KIFC2: variants seen among roughly 807,000 people sequenced by gnomAD.
The protein encoded by KIFC2 is kinesin-like protein KIFC2.
A neutral mutation model predicts 91.5 loss-of-function variants in KIFC2; 94 were observed. The observed-to-expected ratio is 1.03, with a 90% CI of 0.87 to 1.22. KIFC2 has a LOEUF of 1.22. Ranked by LOEUF, KIFC2 falls within the 50% of genes most tolerant of loss-of-function variation. The pLI is 0.00. For synonymous variants in KIFC2, 729 were observed against 503.9 expected, an observed-to-expected ratio of 1.45 and a Z score of -5.98; for missense variants, 1,357 against 1,103.3, an observed-to-expected ratio of 1.23 and a Z score of -3.26.
At chr8:144,467,400 C>G in intron 4 of KIFC2, 59 bp downstream of exon 4, 2 of 1,546,314 alleles carry the variant, frequency 1.3e-6, no homozygotes, top group Non-Finnish European at 1.7e-6. Flanking sequence ...CCGGTAGAAC[C>G]TGGGCGGCCT....
rs1225199342 is a variant in KIFC2 at position 144,468,139 on chromosome 8, C to T, written c.810+152C>T. 5 of 1,129,138 alleles carry T rather than the reference C, an allele frequency of 4.4e-6. No individual in the cohort carries two copies. The East Asian group carries it at 1.0e-4, about 23-fold the overall frequency. The allele number at this position is 1,129,138 out of a possible 1,614,324, so 69.9% of individuals were successfully genotyped here. A position where few individuals can be genotyped will look rare whatever the true frequency, so the allele number is the denominator to read the frequency against. On this transcript the variant is annotated intron_variant, in intron 7 of 17. Coordinates refer to ENST00000645548, the MANE Select transcript of KIFC2 (RefSeq NM_001369769.2). ...AGGCTGATGCCAATGGGAAGACCCCCCTCTCCGTGGCCCCTCTGAGTGGCT... is the reference window on the plus strand; with the variant it reads ...AGGCTGATGCCAATGGGAAGACCCCTCTCTCCGTGGCCCCTCTGAGTGGCT...
chr8:144,468,658 T>G lies in KIFC2; in HGVS notation c.1003+8T>G. Reference sequence around the variant, plus strand: ...TGCATGGGCAGCTGGCAGGTAAGGGTTGGGGTTGGGGCTCATGGGAGGCCC... The same window carrying G: ...TGCATGGGCAGCTGGCAGGTAAGGGGTGGGGTTGGGGCTCATGGGAGGCCC... On this transcript the variant is annotated splice_region_variant and intron_variant, in intron 9 of 17. Coordinates refer to ENST00000645548, the MANE Select transcript of KIFC2 (RefSeq NM_001369769.2). 1 of 1,612,596 alleles carries G rather than the reference T, an allele frequency of 6.2e-7. No individual in the cohort carries two copies. Among genetic ancestry groups the G allele is most frequent in the Non-Finnish European group, 8.5e-7 (1 of 1,179,224 alleles).
intron 12 of KIFC2, 77 bp downstream of exon 12, chr8:144,469,724 T>G: frequency 6.7e-7 from 1 of 1,485,490 alleles, no homozygotes; most frequent in Non-Finnish European, 8.9e-7. Flanking sequence ...CAGTTTCCCC[T>G]TCCCAGTCTG....
rs1258957642 is a variant in KIFC2 at position 144,473,539 on chromosome 8, C to T, written c.*150C>T. ...TGAGCTCCCAGAGTCACCCCTCCACCTCCGCAGCCAGTGAAGTGTGTTGTG... is the reference window on the plus strand; with the variant it reads ...TGAGCTCCCAGAGTCACCCCTCCACTTCCGCAGCCAGTGAAGTGTGTTGTG... On this transcript the variant is annotated 3_prime_UTR_variant, in exon 18 of 18. Transcript: ENST00000645548. The T allele has an allele frequency of 3.3e-6, 4 of 1,230,450 alleles. No homozygotes were observed. Among genetic ancestry groups the T allele is most frequent in the Middle Eastern group, 2.5e-4 (1 of 3,938 alleles). 76.2% of individuals were successfully genotyped at this position (1,230,450 alleles called of 1,614,324 possible). A position where few individuals can be genotyped will look rare whatever the true frequency, so the allele number is the denominator to read the frequency against.
In KIFC2 at chr8:144,472,056, A is replaced by G; in HGVS notation, c.1485+10A>G. The G allele has an allele frequency of 6.2e-7, 1 of 1,613,412 alleles. No individual in the cohort carries two copies. Among genetic ancestry groups the G allele is most frequent in the Non-Finnish European group, 8.5e-7 (1 of 1,179,992 alleles). Reference sequence around the variant, plus strand: ...GACCTACAGCATGGAGGTGGGACAGAGCTCACGCCCCAGTGGGAGAGGCCC... The same window carrying G: ...GACCTACAGCATGGAGGTGGGACAGGGCTCACGCCCCAGTGGGAGAGGCCC... On this transcript the variant is annotated intron_variant, in intron 13 of 17. Transcript: ENST00000645548.
chr8:144,467,413 AG>A, intron 4 of KIFC2, 71 bp from the exon 5 acceptor site: 1 of 1,543,428 alleles, frequency 6.5e-7, no homozygotes, highest in Non-Finnish European at 8.7e-7. Flanking sequence ...GGCGGCCTGG[AG>A]TTCGGGGTCA....
Position 144,472,970 on chromosome 8 carries a change from C to A in KIFC2, c.2037C>A (p.His679Gln). The A allele has an allele frequency of 6.9e-7, 1 of 1,457,596 alleles. No individual in the cohort carries two copies. The highest frequency in any genetic ancestry group is 2.6e-5 in the Admixed American group (1 of 37,920). 90.3% of individuals were successfully genotyped at this position (1,457,596 alleles called of 1,614,324 possible). Reference sequence around the variant, plus strand: ...CCGCACTGCGGGCCCACCGGCCGCACGTGCCCTTCCGCGACTCGCAGCTCA... The same window carrying A: ...CCGCACTGCGGGCCCACCGGCCGCAAGTGCCCTTCCGCGACTCGCAGCTCA... ...VMAALRAHRP[H>Q]VPFRDSQLTR... Residue 679 changes from histidine to glutamine, a missense_variant, in exon 17 of 18, where the codon CAC (histidine) becomes CAA (glutamine). Transcript: ENST00000645548.
In KIFC2 at chr8:144,469,537, C is replaced by A; in HGVS notation, c.1270C>A (p.Leu424Ile). Reference protein sequence around the residue: ...CRLRPGTSSSLVSVEPGPGGT... With the variant: ...CRLRPGTSSSIVSVEPGPGGT... ...GCTGAGGCCAGGGACATCTTCTAGC[C>A]TTGTGAGTGTGGAGCCTGGCCCAGG... is the stretch of plus-strand genomic sequence containing the variant. Residue 424 changes from leucine to isoleucine, a missense_variant, in exon 12 of 18, where the codon CTT (leucine) becomes ATT (isoleucine). Coordinates refer to ENST00000645548, the MANE Select transcript of KIFC2 (RefSeq NM_001369769.2). 1.2e-6 allele frequency: 2 copies of A among 1,613,926 alleles called. No individual in the cohort carries two copies. Among genetic ancestry groups the A allele is most frequent in the Non-Finnish European group, 1.7e-6 (2 of 1,180,008 alleles).
At position 144,466,393 on chromosome 8, in the gene KIFC2, C is replaced by T; in HGVS notation, c.-27C>T. ...CGCGGGGACGCGGGGCGGCGCGAAG[C>T]GGGGCCCTCTGCCGCCCCGCGCTCC... On this transcript the variant is annotated 5_prime_UTR_variant, in exon 1 of 18. Coordinates refer to ENST00000645548, the MANE Select transcript of KIFC2 (RefSeq NM_001369769.2). The T allele has an allele frequency of 2.8e-6, 3 of 1,061,864 alleles. No homozygotes were observed. The highest frequency in any genetic ancestry group is 2.4e-6 in the Non-Finnish European group (2 of 820,646). The allele number at this position is 1,061,864 out of a possible 1,614,324, so 65.8% of individuals were successfully genotyped here. A position where few individuals can be genotyped will look rare whatever the true frequency, so the allele number is the denominator to read the frequency against.
rs761086073 is a variant in KIFC2, at chr8:144,473,440, A to C, written c.*51A>C. The C allele has an allele frequency of 2.6e-6, 4 of 1,531,032 alleles. No homozygotes were observed. In the African/African-American group the frequency reaches 5.5e-5, roughly 21 times the overall value. 94.8% of individuals were successfully genotyped at this position (1,531,032 alleles called of 1,614,324 possible). ...GGTCTCAGGCCAGGTCTCTGCTGGC[A>C]GAGGCGGTAGTAAAGTCCCTGTACC... On this transcript the variant is annotated 3_prime_UTR_variant, in exon 18 of 18. Transcript: ENST00000645548.
chr8:144,473,717 A>C lies in KIFC2; in HGVS notation c.*328A>C. The stretch of plus-strand genomic sequence containing the variant: ...ACCCAAGTCACCACTCCTGACCCAA[A>C]AATCAGGCATGGCATTAAAACGTTG... On this transcript the variant is annotated 3_prime_UTR_variant, in exon 18 of 18. Transcript: ENST00000645548. 2.3e-6 allele frequency: 1 copy of C among 443,376 alleles called. No homozygotes were observed. The highest frequency in any genetic ancestry group is 3.8e-5 in the East Asian group (1 of 26,314). 27.5% of individuals were successfully genotyped at this position (443,376 alleles called of 1,614,324 possible). A position where few individuals can be genotyped will look rare whatever the true frequency, so the allele number is the denominator to read the frequency against.
Position 144,473,927 on chromosome 8 carries a change from G to A in KIFC2, c.*538G>A, listed in dbSNP as rs74360910. ...CCTGGAGCACGGGAGGGGAGGTGAC[G>A]GCTGGTGACTGATGGATGGGTAGTG... On this transcript the variant is annotated 3_prime_UTR_variant, in exon 18 of 18. Transcript: ENST00000645548. The A allele has an allele frequency of 9.1e-4, 401 of 438,794 alleles. 6 individuals carry two copies. The East Asian group carries it at 0.014, about 16-fold the overall frequency. The allele number at this position is 438,794 out of a possible 1,614,324, so 27.2% of individuals were successfully genotyped here.
intron 12 of KIFC2, 66 bp from the exon 13 acceptor site, chr8:144,471,876 C>A: frequency 1.4e-6 from 2 of 1,448,644 alleles, no homozygotes; most frequent in South Asian, 1.2e-5. Flanking sequence ...ACTCCCCACC[C>A]CACCAAATAG....
chr8:144,469,334 C>T lies in KIFC2; in HGVS notation c.1177C>T (p.Gln393Ter), dbSNP rs1216240452. ...GPGTQLPEGQQGPPAGCPGRL... is the reference protein window; with the variant it reads ...GPGTQLPEGQ ...TGGCACTCAGCTCCCTGAGGGGCAG[C>T]AAGGGCCCCCAGCCGGATGCCCAGG... Residue 393 changes from glutamine (Q) to a stop codon, truncating the protein, a stop_gained, in exon 11 of 18, where the codon CAA becomes TAA. Transcript: ENST00000645548. LOFTEE classifies it high-confidence loss of function. 8.1e-6 allele frequency: 13 copies of T among 1,607,820 alleles called. No homozygotes were observed. The highest frequency in any genetic ancestry group is 1.1e-5 in the Non-Finnish European group (13 of 1,178,442).
chr8:144,473,710 G>A lies in KIFC2; in HGVS notation c.*321G>A. The A allele has an allele frequency of 4.2e-6, 2 of 471,146 alleles. No homozygotes were observed. The highest frequency in any genetic ancestry group is 7.4e-6 in the Non-Finnish European group (2 of 269,890). 29.2% of individuals were successfully genotyped at this position (471,146 alleles called of 1,614,324 possible). ...AGTGGTTACCCAAGTCACCACTCCT[G>A]ACCCAAAAATCAGGCATGGCATTAA... On this transcript the variant is annotated 3_prime_UTR_variant, in exon 18 of 18. Coordinates refer to ENST00000645548, the MANE Select transcript of KIFC2 (RefSeq NM_001369769.2).
rs1047570165 is a variant in KIFC2 at position 144,468,759 on chromosome 8, C to A, written c.1038C>A (p.Gly346=). 1.2e-6 allele frequency: 2 copies of A among 1,614,044 alleles called. No homozygotes were observed. The highest frequency in any genetic ancestry group is 2.2e-5 in the East Asian group (1 of 44,880). Residue 346 remains glycine, a synonymous_variant, in exon 10 of 18, where the codon GGC becomes GGA. Transcript: ENST00000645548. ...CACGGATGGCCAGCCTGCGTCAGGG[C>A]TGCGGGGACCTCCGAGGTTTGGTCA... is the stretch of plus-strand genomic sequence containing the variant. The part of the protein sequence containing the change: ...LRARMASLRQ[G]CGDLRGLVST...
In KIFC2 at chr8:144,466,817, A is replaced by G; in HGVS notation, c.157A>G (p.Thr53Ala). The change falls in exon 2 of 18, where the codon ACC becomes GCC. Residue 53 changes from threonine (T) to alanine (A), a missense_variant. By Grantham distance (58) the Thr-to-Ala change is moderately conservative (BLOSUM62 0). Coordinates refer to ENST00000645548, the MANE Select transcript of KIFC2 (RefSeq NM_001369769.2). ...RPDLPAPELW[T>A]ELTGLAASSE... ...AGACCTGCCCGCGCCAGAGCTGTGG[A>G]CCGAGCTGACCGGCCTGGCCGGTAG... 1 of 1,536,932 alleles carries G rather than the reference A, an allele frequency of 6.5e-7. No individual in the cohort carries two copies. The highest frequency in any genetic ancestry group is 8.7e-7 in the Non-Finnish European group (1 of 1,148,494).
chr8:144,469,277 T>C lies in KIFC2; in HGVS notation c.1120T>C (p.Trp374Arg). The change falls in exon 11 of 18, where the codon TGG becomes CGG. Residue 374 changes from tryptophan to arginine, a missense_variant. By Grantham distance (101) the Trp-to-Arg change is moderately radical (BLOSUM62 -3). Coordinates refer to ENST00000645548, the MANE Select transcript of KIFC2 (RefSeq NM_001369769.2). ...TACATCCCTGTTCCCTCAGGTGTCC[T>C]GGGCCTTGGGGGCACTGTCATCTGG... ...SLSEARGQVS[W>R]ALGALSSGGP... The C allele has an allele frequency of 3.1e-6, 5 of 1,595,334 alleles. No homozygotes were observed. The highest frequency in any genetic ancestry group is 4.3e-6 in the Non-Finnish European group (5 of 1,173,094).
Position 144,467,997 on chromosome 8 carries a change from T to C in KIFC2, c.810+10T>C. ...CATCAGGGCTCCGCAGGTACTCTGC[T>C]CCCGAGCTGCAGCCGTTCCTGCAGC... is the stretch of plus-strand genomic sequence containing the variant. On this transcript the variant is annotated intron_variant, in intron 7 of 17. Coordinates refer to ENST00000645548, the MANE Select transcript of KIFC2 (RefSeq NM_001369769.2). The C allele has an allele frequency of 6.5e-7, 1 of 1,531,754 alleles. No individual in the cohort carries two copies. Among genetic ancestry groups the C allele is most frequent in the East Asian group, 2.4e-5 (1 of 42,080 alleles). The allele number at this position is 1,531,754 out of a possible 1,614,324, so 94.9% of individuals were successfully genotyped here. A position where few individuals can be genotyped will look rare whatever the true frequency, so the allele number is the denominator to read the frequency against.
Sources: allele counts gnomAD v4.1 joint callset, GRCh38; gene constraint gnomAD v4.1.1; transcripts MANE v1.5; gene names NCBI Gene and HGNC (gene_info 2026-07-23, HGNC 2026-07-21).